Variants in AKAP13 observed in about 807,000 individuals in gnomAD.
The protein encoded by AKAP13 is A-kinase anchor protein 13.
Under a neutral mutation model 264.5 loss-of-function variants are expected in AKAP13, and 80 were observed. That is an observed-to-expected ratio of 0.30 (90% CI 0.25 to 0.36). AKAP13 has a LOEUF of 0.36. Among genes scored for constraint, AKAP13 ranks in the 10% least tolerant of loss-of-function variants. The pLI is 1.00. For missense variants in AKAP13, 3,712 were observed against 3,435.2 expected (o/e 1.08, Z -2.01); for synonymous variants, 1,380 against 1,250.2 (o/e 1.10, Z -2.19).
intron 8 of AKAP13, among the ~76,000 whole-genome samples, chr15:85,624,183 A>G (rs1403824681): frequency 1.3e-5 from 2 of 152,344 alleles, no homozygotes; most frequent in East Asian, 3.9e-4. Flanking sequence ...ACCTGGAAAA[A>G]TACTGCCTGT....
chr15:85,525,302 C>G (rs191516762), intron 3 of AKAP13, among the ~76,000 whole-genome samples: 3 of 152,120 alleles, frequency 2.0e-5, no homozygotes, highest in African/African-American at 7.2e-5. Context: ...TCGTGATCCA[C>G]CTGCCTTGGC....
chr15:85,410,098 A>G (rs918123079), intron 1 of AKAP13, among the ~76,000 whole-genome samples: 2 of 151,634 alleles, frequency 1.3e-5, no homozygotes, highest in African/African-American at 4.9e-5. Context: ...CTTTTTCTGG[A>G]ATTTTCCTTT....
chr15:85,738,337 G>A (rs1303849769), intron 33 of AKAP13, among the ~76,000 whole-genome samples: 5 of 150,980 alleles, frequency 3.3e-5, no homozygotes, highest in African/African-American at 9.7e-5. Flanking sequence ...GGTTGCAGTG[G>A]GCCAAGATCG....
At chr15:85,606,373 A>G (rs951152798) in intron 8 of AKAP13, among the ~76,000 whole-genome samples, 1 of 152,106 alleles carries the variant, frequency 6.6e-6, no homozygotes, top group African/African-American at 2.4e-5. Flanking sequence ...AAGTGCTGGG[A>G]TTACAGGCAT....
chr15:85,584,685 A>T (rs552028660), intron 7 of AKAP13, among the ~76,000 whole-genome samples: 7 of 152,358 alleles, frequency 4.6e-5, no homozygotes, highest in Admixed American at 2.0e-4. Flanking sequence ...AACTCTTACA[A>T]ATTTAAGGTA....
In AKAP13 at chr15:85,533,829, C is replaced by T. The variant is rs914764030; in HGVS notation, c.427C>T (p.Leu143=). Residue 143 remains leucine, a synonymous_variant, in exon 4 of 37, where the codon CTG becomes TTG. Coordinates refer to ENST00000394518, the MANE Select transcript of AKAP13 (RefSeq NM_007200.5). The part of the protein sequence containing the change: ...DKKLVLAFRH[L]KLPTEWNVLG... ...GAAGTTGGTGCTGGCATTCAGGCACCTGAAGCTGCCCACGGAGTGGAATGT... is the reference window on the plus strand; with the variant it reads ...GAAGTTGGTGCTGGCATTCAGGCACTTGAAGCTGCCCACGGAGTGGAATGT... 3 of 1,613,250 alleles carry T rather than the reference C, an allele frequency of 1.9e-6. No homozygotes were observed. Among genetic ancestry groups the T allele is most frequent in the Admixed American group, 1.7e-5 (1 of 59,918 alleles).
chr15:85,737,970 ATATT>A (rs1230303740), intron 33 of AKAP13, among the ~76,000 whole-genome samples: 4 of 152,042 alleles, frequency 2.6e-5, no homozygotes, highest in African/African-American at 9.7e-5. Flanking sequence ...TTTTCCCTCT[ATATT>A]TAGTTACAAG....
intron 9 of AKAP13, among the ~76,000 whole-genome samples, chr15:85,641,443 C>G (rs2082304090): frequency 8.1e-6 from 1 of 123,994 alleles, no homozygotes; most frequent in African/African-American, 3.2e-5. Context: ...AAGACTCCAT[C>G]TCAAATAAAT....
intron 8 of AKAP13, among the ~76,000 whole-genome samples, chr15:85,594,712 A>G (rs2079733065): frequency 6.6e-6 from 1 of 152,216 alleles, no homozygotes; most frequent in Non-Finnish European, 1.5e-5. Flanking sequence ...TAGAAAATTA[A>G]AAGAGAGATG....
At chr15:85,632,219 C>T (rs1460452490) in intron 8 of AKAP13, among the ~76,000 whole-genome samples, 1 of 152,148 alleles carries the variant, frequency 6.6e-6, no homozygotes, top group African/African-American at 2.4e-5. Context: ...GCATAGCCAG[C>T]AGCATCAGCA....
intron 9 of AKAP13, among the ~76,000 whole-genome samples, chr15:85,642,922 A>T (rs552490227): frequency 4.0e-5 from 6 of 150,404 alleles, no homozygotes; most frequent in African/African-American, 1.5e-4. Context: ...TCCCTCAACC[A>T]TGGAAAGGCA....
chr15:85,618,677 A>G lies in AKAP13; in HGVS notation c.4162-20697A>G, dbSNP rs998831794. On this transcript the variant is annotated intron_variant, in intron 8 of 36. Transcript: ENST00000394518. ...AGAAAACAGGCAAATGAAGTAGCAGACCCACAATTCAAGACCCAGTTAGTG... is the reference window on the plus strand; with the variant it reads ...AGAAAACAGGCAAATGAAGTAGCAGGCCCACAATTCAAGACCCAGTTAGTG... Among the ~76,000 whole-genome samples the G allele has an allele frequency of 2.6e-5, 4 of 152,198 alleles. No homozygotes were observed. In the East Asian group the frequency reaches 7.7e-4, roughly 29 times the overall value.
intron 2 of AKAP13, among the ~76,000 whole-genome samples, chr15:85,497,297 C>T (rs1156567489): frequency 2.6e-5 from 4 of 152,140 alleles, no homozygotes; most frequent in Admixed American, 1.3e-4. Context: ...CAGATGCATG[C>T]GTAGATAAAT....
In AKAP13 at chr15:85,457,513, G is replaced by A. The variant is rs546505392; in HGVS notation, c.-11-28197G>A. ...ATTGGAGCCATAGTAGAAGGAGGTGGAGATTGGAGAGCGCCTAGCTCAGCA... is the reference window on the plus strand; with the variant it reads ...ATTGGAGCCATAGTAGAAGGAGGTGAAGATTGGAGAGCGCCTAGCTCAGCA... On this transcript the variant is annotated intron_variant, in intron 1 of 36. Coordinates refer to ENST00000394518, the MANE Select transcript of AKAP13 (RefSeq NM_007200.5). 3.3e-5 allele frequency among the ~76,000 whole-genome samples: 5 copies of A among 152,332 alleles called. No homozygotes were observed. The South Asian group carries it at 1.0e-3, about 32-fold the overall frequency.
intron 4 of AKAP13, among the ~76,000 whole-genome samples, chr15:85,541,976 C>T (rs1026452057): frequency 6.6e-6 from 1 of 152,164 alleles, no homozygotes; most frequent in Non-Finnish European, 1.5e-5. Flanking sequence ...GAACAAATAA[C>T]AAATCAGAAG....
chr15:85,400,237 G>A (rs2071357345), intron 1 of AKAP13, among the ~76,000 whole-genome samples: 1 of 152,102 alleles, frequency 6.6e-6, no homozygotes, highest in Non-Finnish European at 1.5e-5. Flanking sequence ...GTGAGAGCCT[G>A]TCTCTACAAA....
At chr15:85,422,722 G>T (rs530940097) in intron 1 of AKAP13, among the ~76,000 whole-genome samples, 1 of 152,338 alleles carries the variant, frequency 6.6e-6, no homozygotes, top group African/African-American at 2.4e-5. Context: ...TTAGTGTACA[G>T]TTTCTTATTT....
At chr15:85,624,946 A>G (rs1345790087) in intron 8 of AKAP13, among the ~76,000 whole-genome samples, 1 of 152,208 alleles carries the variant, frequency 6.6e-6, no homozygotes, top group Non-Finnish European at 1.5e-5. Flanking sequence ...CCATTATCCC[A>G]TATTTCATGT....
rs1596154961 is a variant in AKAP13, at chr15:85,434,205, G to A, written c.-11-51505G>A. ...TTCCCTTTCCGAGTCAAAGAAAGGG[G>A]TGACGGACGCACCTGGAAAATCGGG... On this transcript the variant is annotated intron_variant, in intron 1 of 36. Transcript: ENST00000394518. 2.0e-5 allele frequency among the ~76,000 whole-genome samples: 3 copies of A among 152,218 alleles called. No homozygotes were observed. In the East Asian group the frequency reaches 5.8e-4, roughly 29 times the overall value.
Sources: allele counts gnomAD v4.1 joint callset (sites outside exome capture counted in the v4.1 genomes callset), GRCh38; gene constraint gnomAD v4.1.1; transcripts MANE v1.5; gene names NCBI Gene and HGNC (gene_info 2026-07-23, HGNC 2026-07-21).